EYS: variants seen among roughly 807,000 people sequenced by gnomAD.
The protein encoded by EYS is EGF-like photoreceptor maintenance factor.
In EYS, 250 loss-of-function variants were observed where a neutral mutation model predicts 282.1. The observed-to-expected ratio is 0.89, with a 90% CI of 0.80 to 0.98. The LOEUF is 0.98. Ranked by LOEUF, EYS falls within the 50% of genes least tolerant of loss-of-function variation. The pLI is 0.00. For missense variants in EYS, 4,016 were observed against 3,709.0 expected (o/e 1.08, Z -2.15); for synonymous variants, 1,355 against 1,282.9 (o/e 1.06, Z -1.20).
intron 41 of EYS, among the ~76,000 whole-genome samples, chr6:63,756,979 T>C (rs754851516): frequency 1.3e-5 from 2 of 152,078 alleles, no homozygotes; most frequent in African/African-American, 4.8e-5. Context: ...TCGTAAAACA[T>C]GTGTGTTTGA....
chr6:65,439,993 G>A (rs1476958522), intron 5 of EYS, among the ~76,000 whole-genome samples: 5 of 152,028 alleles, frequency 3.3e-5, no homozygotes, highest in Non-Finnish European at 7.4e-5. Flanking sequence ...CAGACTAGGA[G>A]GAGGAGGTGT....
At chr6:65,345,238 A>G (rs1369386546) in intron 9 of EYS, among the ~76,000 whole-genome samples, 1 of 151,864 alleles carries the variant, frequency 6.6e-6, no homozygotes, top group Non-Finnish European at 1.5e-5. Flanking sequence ...ATTACAGAAA[A>G]TTATGGCTAT....
intron 22 of EYS, among the ~76,000 whole-genome samples, chr6:64,809,083 G>A (rs897800514): frequency 6.6e-6 from 1 of 152,010 alleles, no homozygotes; most frequent in Admixed American, 6.6e-5. Context: ...ATTTAAAATA[G>A]TCTTAAAGAC....
Position 64,820,183 on chromosome 6 carries a change from A to G in EYS, c.3243+1462T>C, listed in dbSNP as rs1764859160. Among the ~76,000 whole-genome samples the G allele has an allele frequency of 3.9e-5, 6 of 152,130 alleles. No homozygotes were observed. The South Asian group carries it at 1.2e-3, about 32-fold the overall frequency. On this transcript the variant is annotated intron_variant, in intron 21 of 42. Transcript: ENST00000503581. ...TTTGCATTTTAATGGAATGATTCCT[A>G]AGATATACTTCTAAGACAAAAAAGT...
intron 22 of EYS, among the ~76,000 whole-genome samples, chr6:64,673,532 C>T (rs1769541139): frequency 6.6e-6 from 1 of 152,104 alleles, no homozygotes; most frequent in African/African-American, 2.4e-5. Flanking sequence ...TTTTAAAAGT[C>T]ACTGTCTAGT....
intron 13 of EYS, among the ~76,000 whole-genome samples, chr6:65,025,410 C>A (rs1183791276): frequency 1.1e-4 from 17 of 152,180 alleles, no homozygotes; most frequent in Admixed American, 1.1e-3. Flanking sequence ...ATGTATAAAT[C>A]TGAATCCTTT....
chr6:65,388,282 A>G (rs1765875104), intron 7 of EYS, among the ~76,000 whole-genome samples: 1 of 152,048 alleles, frequency 6.6e-6, no homozygotes, highest in African/African-American at 2.4e-5. Flanking sequence ...TAAACCTATT[A>G]AAACAGCAAC....
At chr6:64,621,803 A>G (rs1222571967) in intron 23 of EYS, among the ~76,000 whole-genome samples, 1 of 152,206 alleles carries the variant, frequency 6.6e-6, no homozygotes, top group East Asian at 1.9e-4. Context: ...GGGTATAAAA[A>G]GTATCTGGGC....
At chr6:64,890,424 A>G (rs1006870532) in intron 18 of EYS, among the ~76,000 whole-genome samples, 1 of 152,144 alleles carries the variant, frequency 6.6e-6, no homozygotes. Flanking sequence ...CACGGAACCT[A>G]CAGACATGTG....
At chr6:65,271,192 A>G (rs1767894405) in intron 12 of EYS, among the ~76,000 whole-genome samples, 1 of 139,148 alleles carries the variant, frequency 7.2e-6, no homozygotes, top group Non-Finnish European at 1.5e-5. Flanking sequence ...AGGAAGCTGG[A>G]AGTTGAGAAA....
chr6:65,591,260 G>A (rs1042518044), intron 2 of EYS, among the ~76,000 whole-genome samples: 1 of 151,860 alleles, frequency 6.6e-6, no homozygotes, highest in Admixed American at 6.6e-5. Flanking sequence ...GGAATACAGT[G>A]GTGCCATCAC....
intron 19 of EYS, among the ~76,000 whole-genome samples, chr6:64,835,224 C>T (rs899540149): frequency 2.0e-5 from 3 of 151,668 alleles, no homozygotes; most frequent in Non-Finnish European, 4.4e-5. Context: ...CTCTCATGAG[C>T]ACTATTAGCT....
intron 5 of EYS, among the ~76,000 whole-genome samples, chr6:65,434,390 G>C (rs1283458437): frequency 6.7e-6 from 1 of 150,142 alleles, no homozygotes; most frequent in Non-Finnish European, 1.5e-5. Context: ...GTGCAATCTC[G>C]GCTCACTGCA....
chr6:65,122,556 GA>G (rs892310160), intron 12 of EYS, among the ~76,000 whole-genome samples: 14 of 151,682 alleles, frequency 9.2e-5, no homozygotes, highest in South Asian at 2.1e-4. Flanking sequence ...TTTATCATAG[GA>G]AAAAAAAGTG....
At chr6:65,552,366 G>C (rs1221999037) in intron 2 of EYS, among the ~76,000 whole-genome samples, 1 of 152,072 alleles carries the variant, frequency 6.6e-6, no homozygotes, top group African/African-American at 2.4e-5. Context: ...AATAAACATT[G>C]TTCTCTCAAG....
chr6:64,326,438 G>A (rs902993299), intron 29 of EYS, among the ~76,000 whole-genome samples: 8 of 152,172 alleles, frequency 5.3e-5, no homozygotes, highest in African/African-American at 1.9e-4. Flanking sequence ...TCTTCCTTCT[G>A]TAACTTGCTT....
intron 26 of EYS, among the ~76,000 whole-genome samples, chr6:64,457,073 A>AT (rs1449189104): frequency 2.0e-5 from 3 of 151,784 alleles, no homozygotes; most frequent in Non-Finnish European, 4.4e-5. Context: ...CTGTGTTTTC[A>AT]TTTTTGTTTG....
Position 65,694,434 on chromosome 6 carries a change from T to G in EYS, c.-448+12701A>C, listed in dbSNP as rs1394994973. On this transcript the variant is annotated intron_variant, in intron 1 of 42. Coordinates refer to ENST00000503581, the MANE Select transcript of EYS (RefSeq NM_001142800.2). ...GAAGTTGTGATGCAATTTAATATTT[T>G]TGGTGATTGTTAAAAGAAACTTCTT... Among the ~76,000 whole-genome samples, 5 of 149,688 alleles carry G rather than the reference T, an allele frequency of 3.3e-5. 1 individual carries two copies. In the East Asian group the frequency reaches 6.8e-4, roughly 21 times the overall value.
At chr6:65,197,233 G>C (rs773477644) in intron 12 of EYS, among the ~76,000 whole-genome samples, 8 of 152,060 alleles carry the variant, frequency 5.3e-5, no homozygotes, top group Admixed American at 1.3e-4. Flanking sequence ...ATGTAGAAAG[G>C]ATATACAGGT....
Sources: gnomAD v4.1 joint callset for allele counts (sites outside exome capture counted in the v4.1 genomes callset) on GRCh38, gnomAD v4.1.1 for gene constraint, MANE v1.5 for transcripts, NCBI Gene and HGNC (gene_info 2026-07-23, HGNC 2026-07-21) for gene names.